RAB40B: variants seen among roughly 807,000 people sequenced by gnomAD.
RAB40B encodes the protein RAB40B, member RAS oncogene family.
Under a neutral mutation model 24.0 loss-of-function variants are expected in RAB40B, and 21 were observed. The observed-to-expected ratio is 0.88, with a 90% CI of 0.62 to 1.26. RAB40B has a LOEUF of 1.26. Among genes scored for constraint, RAB40B ranks in the 50% most tolerant of loss-of-function variants. RAB40B has a pLI of 0.00. For missense variants in RAB40B, 348 were observed against 390.5 expected (o/e 0.89, Z 0.92); for synonymous variants, 167 against 169.8 (o/e 0.98, Z 0.13).
Position 82,663,506 on chromosome 17 carries a change from C to T in RAB40B, c.203+990G>A, listed in dbSNP as rs1054188338. On this transcript the variant is annotated intron_variant, in intron 2 of 5. Coordinates refer to ENST00000571995, the MANE Select transcript of RAB40B (RefSeq NM_006822.3). This position sits in a 1 kb window ranked among gnomAD's most constrained non-coding sequence, Gnocchi z 6.2. ...AGAGCGGGTGGAGGGAGAGGTGTTCCAAGCTGGCCCCAAGGTGGGGGTGCT... is the reference window on the plus strand; with the variant it reads ...AGAGCGGGTGGAGGGAGAGGTGTTCTAAGCTGGCCCCAAGGTGGGGGTGCT... Among the ~76,000 whole-genome samples the T allele has an allele frequency of 6.6e-6, 1 of 152,130 alleles. No homozygotes were observed. Among genetic ancestry groups the T allele is most frequent in the African/African-American group, 2.4e-5 (1 of 41,430 alleles).
intron 1 of RAB40B, 28 bp downstream of exon 1, chr17:82,698,427 C>T (rs1465136113): frequency 1.5e-6 from 2 of 1,323,974 alleles, no homozygotes; most frequent in Admixed American, 3.5e-5. Context: ...CGCGCCCGCA[C>T]CCCGGCACGC....
chr17:82,685,963 C>T (rs1350670244), intron 1 of RAB40B, among the ~76,000 whole-genome samples: 9 of 152,108 alleles, frequency 5.9e-5, no homozygotes, highest in Non-Finnish European at 1.3e-4. Context: ...GCCACCACAC[C>T]CAGCTAATTT....
At chr17:82,662,366 C>G in intron 2 of RAB40B, 1 of 985,486 alleles carries the variant, frequency 1.0e-6, no homozygotes, top group Non-Finnish European at 1.2e-6. Flanking sequence ...CTGCCAGCTT[C>G]GCAGGGAGGC....
intron 2 of RAB40B, chr17:82,662,033 G>A (rs1338398154): frequency 2.0e-6 from 2 of 985,342 alleles, no homozygotes; most frequent in Admixed American, 1.2e-4. Flanking sequence ...TACATCAATG[G>A]GAGATTCCCC....
chr17:82,681,751 T>C (rs1264800886), intron 1 of RAB40B, among the ~76,000 whole-genome samples: 3 of 152,084 alleles, frequency 2.0e-5, no homozygotes, highest in African/African-American at 7.2e-5. Flanking sequence ...TCAATGCAAT[T>C]TATCACATCA....
At chr17:82,670,176 A>G (rs549983530) in intron 1 of RAB40B, among the ~76,000 whole-genome samples, 118 of 129,916 alleles carry the variant, frequency 9.1e-4, no homozygotes, top group African/African-American at 3.2e-3. Flanking sequence ...AGGGCCAACA[A>G]TCTTTTTTTT....
At chr17:82,691,903 A>G (rs1310035205) in intron 1 of RAB40B, among the ~76,000 whole-genome samples, 1 of 152,128 alleles carries the variant, frequency 6.6e-6, no homozygotes, top group Non-Finnish European at 1.5e-5. Flanking sequence ...CCCAGCTGCC[A>G]GACGGAAATG....
intron 3 of RAB40B, 63 bp from the exon 4 acceptor site, chr17:82,659,720 A>G (rs2046137642): frequency 2.2e-5 from 29 of 1,317,264 alleles, no homozygotes; most frequent in Non-Finnish European, 3.0e-5. Context: ...GTGGCCATGC[A>G]CGCAAAGACA....
In RAB40B at chr17:82,697,165, C is replaced by T. The variant is rs1374036026; in HGVS notation, c.142+1290G>A. 6.6e-6 allele frequency among the ~76,000 whole-genome samples: 1 copy of T among 152,146 alleles called. No individual in the cohort carries two copies. Among genetic ancestry groups the T allele is most frequent in the Non-Finnish European group, 1.5e-5 (1 of 68,022 alleles). On this transcript the variant is annotated intron_variant, in intron 1 of 5. Transcript: ENST00000571995. This position sits in a 1 kb window ranked among gnomAD's most constrained non-coding sequence, Gnocchi z 4.9. ...CTCAGCTGCTCCCCCAAACTCTGCC[C>T]ATTCCTCACCCCGTCCCCTAAGCTG...
At chr17:82,680,356 G>A (rs1387022448) in intron 1 of RAB40B, among the ~76,000 whole-genome samples, 2 of 152,208 alleles carry the variant, frequency 1.3e-5, no homozygotes, top group Non-Finnish European at 2.9e-5. Flanking sequence ...AGGGGTGTGG[G>A]CTCTGGGCGG....
chr17:82,676,840 G>A (rs1445059178), intron 1 of RAB40B, among the ~76,000 whole-genome samples: 1 of 151,936 alleles, frequency 6.6e-6, no homozygotes, highest in East Asian at 1.9e-4. Flanking sequence ...TGGTCAGGCT[G>A]GTCTCGAACT....
intron 1 of RAB40B, among the ~76,000 whole-genome samples, chr17:82,691,736 G>C (rs2046560052): frequency 6.6e-6 from 1 of 152,172 alleles, no homozygotes; most frequent in South Asian, 2.1e-4. Context: ...ACTCAGAGAA[G>C]GGACACAATC....
rs573027911 is a variant in RAB40B at position 82,669,343 on chromosome 17, C to T, written c.143-4787G>A. 5.3e-5 allele frequency among the ~76,000 whole-genome samples: 8 copies of T among 152,088 alleles called. No homozygotes were observed. The South Asian group carries it at 8.3e-4, about 16-fold the overall frequency. ...ATACGAAATTAGCCGGGCGTGGTGG[C>T]GGGTGCCTGTAATCCCAGCTACTCA... is the stretch of plus-strand genomic sequence containing the variant. On this transcript the variant is annotated intron_variant, in intron 1 of 5. Transcript: ENST00000571995.
intron 1 of RAB40B, among the ~76,000 whole-genome samples, chr17:82,665,798 C>T (rs4789707): frequency 6.6e-6 from 1 of 150,934 alleles, no homozygotes; most frequent in Non-Finnish European, 1.5e-5. Flanking sequence ...ACCCGGGAGG[C>T]GGAGGTTGCA....
In RAB40B at chr17:82,685,312, A is replaced by C. The variant is rs1277184231; in HGVS notation, c.142+13143T>G. On this transcript the variant is annotated intron_variant, in intron 1 of 5. Coordinates refer to ENST00000571995, the MANE Select transcript of RAB40B (RefSeq NM_006822.3). ...GAGGGAGGAGGAGGAGAAACACCAC[A>C]GAAAGAGACAGCACACGCAGTGGTC... Among the ~76,000 whole-genome samples the C allele has an allele frequency of 4.0e-5, 6 of 151,800 alleles. 1 individual carries two copies. The Middle Eastern group carries it at 0.01, about 260-fold the overall frequency.
rs2248361 is a variant in RAB40B at position 82,675,650 on chromosome 17, A to G, written c.143-11094T>C. ...AGAGCCAGTGTCTGACGAGGGCTGC[A>G]TCCTGGTTCATGGAGGTGTCTTCTC... On this transcript the variant is annotated intron_variant, in intron 1 of 5. Transcript: ENST00000571995. The surrounding 1 kb of genome is among the most constrained non-coding windows in gnomAD (Gnocchi z 4.5). 0.87 allele frequency among the ~76,000 whole-genome samples: 132,561 copies of G among 152,160 alleles called. 57,813 individuals are homozygous for G. Among genetic ancestry groups the G allele is most frequent in the Admixed American group, 0.92 (14,075 of 15,296 alleles).
At chr17:82,674,648 AAAAAG>A (rs1215199420) in intron 1 of RAB40B, among the ~76,000 whole-genome samples, 4 of 151,522 alleles carry the variant, frequency 2.6e-5, no homozygotes, top group Non-Finnish European at 5.9e-5. Flanking sequence ...AAAAAAAAAA[AAAAAG>A]AAAAGAAAAG....
chr17:82,690,672 G>A (rs998630261), intron 1 of RAB40B, among the ~76,000 whole-genome samples: 1 of 149,306 alleles, frequency 6.7e-6, no homozygotes, highest in African/African-American at 2.5e-5. Flanking sequence ...GAGTGTGCAC[G>A]TGTGTGCAGG....
At chr17:82,664,381 C>A (rs111391487) in intron 2 of RAB40B, 115 bp downstream of exon 2, 24,380 of 985,412 alleles carry the variant, frequency 0.025, 353 homozygotes, top group Middle Eastern at 0.05. Context: ...GGCGCTGTGC[C>A]GATGGTGGTG....
Sources: allele counts gnomAD v4.1 joint callset (sites outside exome capture counted in the v4.1 genomes callset), GRCh38; gene constraint gnomAD v4.1.1; non-coding constraint Gnocchi (gnomAD v3.1); transcripts MANE v1.5; gene names NCBI Gene and HGNC (gene_info 2026-07-23, HGNC 2026-07-21).